Variants in TMED3 observed in about 807,000 individuals in gnomAD.
The protein encoded by TMED3 is transmembrane emp24 domain-containing protein 3.
In TMED3, 9 loss-of-function variants were observed where a neutral mutation model predicts 15.0. That is an observed-to-expected ratio of 0.60 (90% CI 0.36 to 1.04). TMED3 has a LOEUF of 1.04. Ranked by LOEUF, TMED3 falls within the 50% of genes least tolerant of loss-of-function variation. The pLI is 0.01. For missense variants in TMED3, 267 were observed against 278.9 expected (o/e 0.96, Z 0.30); for synonymous variants, 117 against 121.4 (o/e 0.96, Z 0.24).
chr15:79,410,537 G>T (rs1250473691), intron 2 of TMED3, among the ~76,000 whole-genome samples: 1 of 152,098 alleles, frequency 6.6e-6, no homozygotes, highest in Admixed American at 6.6e-5. Flanking sequence ...AATTGGTTTA[G>T]GTAATACAGT....
chr15:79,365,421 G>A (rs1186108061), intron 2 of TMED3, among the ~76,000 whole-genome samples: 1 of 152,190 alleles, frequency 6.6e-6, no homozygotes, highest in African/African-American at 2.4e-5. Flanking sequence ...TCCGAGACAG[G>A]TCTCAATTAA....
chr15:79,380,905 T>A (rs1893522021), intron 2 of TMED3, among the ~76,000 whole-genome samples: 1 of 152,158 alleles, frequency 6.6e-6, no homozygotes. Context: ...AAATTGTCCC[T>A]TTGACATCCT....
intron 2 of TMED3, among the ~76,000 whole-genome samples, chr15:79,344,085 AG>A (rs2058860452): frequency 6.6e-6 from 1 of 152,202 alleles, no homozygotes; most frequent in African/African-American, 2.4e-5. Context: ...AAGACAGAAA[AG>A]CAGGTCTAGA....
chr15:79,404,206 C>G (rs548421273), intron 2 of TMED3, among the ~76,000 whole-genome samples: 2 of 152,302 alleles, frequency 1.3e-5, no homozygotes, highest in South Asian at 2.1e-4. Flanking sequence ...AGTCAAACCC[C>G]TATATGAATT....
At chr15:79,394,832 T>C (rs1454174426) in intron 2 of TMED3, among the ~76,000 whole-genome samples, 2 of 152,348 alleles carry the variant, frequency 1.3e-5, no homozygotes, top group Admixed American at 6.5e-5. Context: ...TCCAGAGAAA[T>C]TGAGACCCCC....
intron 2 of TMED3, among the ~76,000 whole-genome samples, chr15:79,363,795 C>T (rs1394013531): frequency 1.3e-5 from 2 of 152,144 alleles, no homozygotes; most frequent in African/African-American, 4.8e-5. Flanking sequence ...TGGGTCCACC[C>T]ACCTGGTGCA....
intron 2 of TMED3, among the ~76,000 whole-genome samples, chr15:79,354,880 G>A (rs1205284323): frequency 6.6e-6 from 1 of 152,056 alleles, no homozygotes; most frequent in Non-Finnish European, 1.5e-5. Flanking sequence ...TCTTTCTCTG[G>A]GGTGAAGATG....
intron 2 of TMED3, among the ~76,000 whole-genome samples, chr15:79,338,122 A>G (rs1567026855): frequency 1.3e-5 from 2 of 152,250 alleles, no homozygotes; most frequent in African/African-American, 4.8e-5. Flanking sequence ...GGAAAAATAA[A>G]TGTGTTCATG....
intron 2 of TMED3, among the ~76,000 whole-genome samples, chr15:79,345,454 C>T (rs1163072120): frequency 6.6e-6 from 1 of 152,144 alleles, no homozygotes; most frequent in African/African-American, 2.4e-5. Flanking sequence ...CCAGCTCCAT[C>T]CGTGTTCCTG....
intron 2 of TMED3, among the ~76,000 whole-genome samples, chr15:79,409,850 T>G (rs1893949618): frequency 6.6e-6 from 1 of 152,200 alleles, no homozygotes; most frequent in African/African-American, 2.4e-5. Context: ...GACTGTAGAT[T>G]AATCATTTTG....
intron 2 of TMED3, among the ~76,000 whole-genome samples, chr15:79,347,649 A>G (rs569821867): frequency 1.4e-4 from 21 of 152,292 alleles, no homozygotes; most frequent in Admixed American, 2.6e-4. Flanking sequence ...TCTCACCTCA[A>G]AAGCCCCTTA....
intron 2 of TMED3, among the ~76,000 whole-genome samples, chr15:79,376,905 C>A (rs1380526759): frequency 6.6e-6 from 1 of 152,034 alleles, no homozygotes; most frequent in Non-Finnish European, 1.5e-5. Flanking sequence ...GGTAACAAGG[C>A]CAGTTCAGGT....
intron 2 of TMED3, among the ~76,000 whole-genome samples, chr15:79,353,236 AAT>A (rs1254388932): frequency 8.1e-5 from 5 of 61,538 alleles, no homozygotes; most frequent in Non-Finnish European, 1.1e-4. Flanking sequence ...TAATATATAA[AAT>A]ATATATACTA....
At chr15:79,324,767 T>C (rs1447212089), downstream of TMED3, among the ~76,000 whole-genome samples, 1 of 152,208 alleles carries the variant, frequency 6.6e-6, no homozygotes, top group African/African-American at 2.4e-5. Flanking sequence ...CGTTGACATC[T>C]GGGCAGCATG....
intron 2 of TMED3, among the ~76,000 whole-genome samples, chr15:79,330,021 C>A (rs2058802305): frequency 6.6e-6 from 1 of 152,032 alleles, no homozygotes; most frequent in Admixed American, 6.5e-5. Context: ...GTGGTCATTC[C>A]CCACCTCCTC....
At chr15:79,408,445 T>C (rs530224891) in intron 2 of TMED3, among the ~76,000 whole-genome samples, 96 of 152,336 alleles carry the variant, frequency 6.3e-4, no homozygotes, top group African/African-American at 1.3e-3. Flanking sequence ...GTCGGAGCCA[T>C]AGGGCATCTG....
In TMED3 at chr15:79,311,398, A is replaced by C. The variant is rs1010841484; in HGVS notation, c.149A>C (p.Lys50Thr). 6.2e-7 allele frequency: 1 copy of C among 1,610,970 alleles called. No homozygotes were observed. Among genetic ancestry groups the C allele is most frequent in the Non-Finnish European group, 8.5e-7 (1 of 1,178,956 alleles). Residue 50 changes from lysine (K) to threonine (T), a missense_variant, in exon 1 of 3, where the codon AAG (lysine) becomes ACG (threonine). Physicochemically the swap from Lys to Thr is moderately conservative, Grantham distance 78. This residue lies in a region of TMED3 where 69 missense variants were observed against 106.8 expected (regional missense o/e 0.65). Coordinates refer to ENST00000299705, the MANE Select transcript of TMED3 (RefSeq NM_007364.4). ...CACGAGGAGGTGGAGCAGGGCGTGA[A>C]GTTCTCCCTGGATTACCAGGTGAGG... ...CFHEEVEQGVKFSLDYQVITG... is the reference protein window; with the variant it reads ...CFHEEVEQGVTFSLDYQVITG...
intron 2 of TMED3, among the ~76,000 whole-genome samples, chr15:79,394,922 T>C (rs1172208895): frequency 6.6e-6 from 1 of 152,234 alleles, no homozygotes; most frequent in Non-Finnish European, 1.5e-5. Flanking sequence ...ATCATTTCCA[T>C]GCATGTTGTT....
chr15:79,366,995 G>A (rs1893248998), intron 2 of TMED3, among the ~76,000 whole-genome samples: 1 of 152,106 alleles, frequency 6.6e-6, no homozygotes, highest in Non-Finnish European at 1.5e-5. Context: ...CTAGGTCATT[G>A]TTTTCAAAAA....
Sources: gnomAD v4.1 joint callset for allele counts (sites outside exome capture counted in the v4.1 genomes callset) on GRCh38, gnomAD v4.1.1 for gene constraint, gnomAD v4.1.1 regional missense constraint, MANE v1.5 for transcripts, NCBI Gene and HGNC (gene_info 2026-07-23, HGNC 2026-07-21) for gene names.